The following OGDH variants were observed in gnomAD, a reference collection of about 807,000 sequenced individuals.
OGDH encodes oxoglutarate dehydrogenase, also known as 2-oxoglutarate dehydrogenase complex component E1.
In OGDH, 38 loss-of-function variants were observed where a neutral mutation model predicts 116.6. The ratio of observed to expected loss-of-function variants is 0.33; its 90% CI spans 0.25 to 0.43. The LOEUF is 0.43. OGDH is among the 20% of genes least tolerant of loss of function. OGDH has a pLI of 1.00. For missense variants in OGDH, 825 were observed against 1,357.2 expected, an observed-to-expected ratio of 0.61 and a Z score of 6.16; for synonymous variants, 488 against 533.3, an observed-to-expected ratio of 0.92 and a Z score of 1.17.
Position 44,694,343 on chromosome 7 carries a change from G to A in OGDH, c.1516-81G>A. Reference sequence around the variant, plus strand: ...TGAAGAACGTGGCCATCACCTAGGAGAGATGGGGCAGGTGCCTGAACAGCA... The same window carrying A: ...TGAAGAACGTGGCCATCACCTAGGAAAGATGGGGCAGGTGCCTGAACAGCA... On this transcript the variant is annotated intron_variant, in intron 11 of 22. Coordinates refer to ENST00000222673, the MANE Select transcript of OGDH (RefSeq NM_002541.4). The surrounding 1 kb of genome is among the most constrained non-coding windows in gnomAD (Gnocchi z 4.2). The A allele has an allele frequency of 6.5e-7, 1 of 1,550,088 alleles. No individual in the cohort carries two copies. Among genetic ancestry groups the A allele is most frequent in the Non-Finnish European group, 8.7e-7 (1 of 1,143,572 alleles).
intron 1 of OGDH, among the ~76,000 whole-genome samples, chr7:44,608,990 C>T (rs972802804): frequency 2.6e-5 from 4 of 152,090 alleles, no homozygotes; most frequent in African/African-American, 4.8e-5. Flanking sequence ...AGAATATTCC[C>T]GTCATCACAA....
chr7:44,618,379 C>T (rs755734618), intron 1 of OGDH, among the ~76,000 whole-genome samples: 1 of 152,158 alleles, frequency 6.6e-6, no homozygotes, highest in Non-Finnish European at 1.5e-5. Context: ...AAAGAAAGCC[C>T]TATGTCCATT....
intron 4 of OGDH, among the ~76,000 whole-genome samples, chr7:44,665,423 A>G (rs1787145240): frequency 6.6e-6 from 1 of 152,214 alleles, no homozygotes; most frequent in Non-Finnish European, 1.5e-5. Flanking sequence ...GCATTAGATA[A>G]ATAAAGGCTG....
At chr7:44,665,724 C>T (rs1585319095) in intron 4 of OGDH, among the ~76,000 whole-genome samples, 1 of 152,150 alleles carries the variant, frequency 6.6e-6, no homozygotes, top group Admixed American at 6.6e-5. Context: ...TTCCTGGAGC[C>T]TGAGAAAATG....
Position 44,701,608 on chromosome 7 carries a change from G to A in OGDH, c.2625G>A (p.Met875Ile), listed in dbSNP as rs1250028043. The change falls in exon 20 of 23, where the codon ATG becomes ATA. Residue 875 changes from methionine (M) to isoleucine (I), a missense_variant. Transcript: ENST00000222673. Reference protein sequence around the residue: ...HPEARSSFDEMLPGTHFQRVI... With the variant: ...HPEARSSFDEILPGTHFQRVI... The stretch of plus-strand genomic sequence containing the variant: ...AGGCCAGATCCAGCTTTGATGAGAT[G>A]CTTCCAGGTGGGTGTGAGGGAGATG... The A allele has an allele frequency of 6.2e-7, 1 of 1,614,168 alleles. No individual in the cohort carries two copies. Among genetic ancestry groups the A allele is most frequent in the South Asian group, 1.1e-5 (1 of 91,088 alleles).
In OGDH at chr7:44,697,001, C is replaced by T. The variant is rs775279689; in HGVS notation, c.1988C>T (p.Ser663Leu). ...WALAEYMAFG[S>L]LLKEGIHIRL... ...CTAGCGGAGTACATGGCGTTTGGCT[C>T]GCTCCTGAAGGAGGGCATCCACATT... is the stretch of plus-strand genomic sequence containing the variant. Residue 663 changes from serine (S) to leucine (L), a missense_variant, in exon 15 of 23, where the codon TCG becomes TTG. By Grantham distance (145) the Ser-to-Leu change is moderately radical. This residue lies in a region of OGDH where 92 missense variants were observed against 129.7 expected (regional missense o/e 0.71). Transcript: ENST00000222673. The surrounding 1 kb of genome is among the most constrained non-coding windows in gnomAD (Gnocchi z 6.0). The T allele has an allele frequency of 6.2e-7, 1 of 1,614,168 alleles. No homozygotes were observed. Among genetic ancestry groups the T allele is most frequent in the East Asian group, 2.2e-5 (1 of 44,884 alleles).
intron 1 of OGDH, among the ~76,000 whole-genome samples, chr7:44,619,373 G>A (rs1463458304): frequency 6.6e-6 from 1 of 152,212 alleles, no homozygotes; most frequent in East Asian, 1.9e-4. Flanking sequence ...ATCTGATGCT[G>A]TCTCCAGGTA....
chr7:44,663,798 G>C (rs1281255707), intron 4 of OGDH, among the ~76,000 whole-genome samples: 1 of 151,950 alleles, frequency 6.6e-6, no homozygotes, highest in East Asian at 1.9e-4. Flanking sequence ...AAACTAGCTG[G>C]ACGTGGTGTT....
In OGDH at chr7:44,707,414, T is replaced by G. The variant is rs778576815; in HGVS notation, c.2796+26T>G. ...GTGAGGGCAGGTGGTGCCATCAGGG[T>G]GTCCCCCCAGCGGGGGTCAGGGCTC... On this transcript the variant is annotated intron_variant, in intron 21 of 22. Coordinates refer to ENST00000222673, the MANE Select transcript of OGDH (RefSeq NM_002541.4). The surrounding 1 kb of genome is among the most constrained non-coding windows in gnomAD (Gnocchi z 5.2). 4 of 1,613,390 alleles carry G rather than the reference T, an allele frequency of 2.5e-6. No individual in the cohort carries two copies.
chr7:44,693,817 C>T lies in OGDH; in HGVS notation c.1336-8C>T. 3 of 1,575,596 alleles carry T rather than the reference C, an allele frequency of 1.9e-6. No homozygotes were observed. Among genetic ancestry groups the T allele is most frequent in the South Asian group, 2.3e-5 (2 of 86,422 alleles). On this transcript the variant is annotated splice_region_variant and splice_polypyrimidine_tract_variant and intron_variant, in intron 10 of 22. Transcript: ENST00000222673. ...GTGCCCTCTTGCTAGGCTACATGTT[C>T]CTTGCAGATCGGCTTCACCACCGAC... is the stretch of plus-strand genomic sequence containing the variant.
At chr7:44,638,173 C>T (rs369945867) in intron 2 of OGDH, among the ~76,000 whole-genome samples, 1 of 152,278 alleles carries the variant, frequency 6.6e-6, no homozygotes, top group East Asian at 1.9e-4. Flanking sequence ...ATTTTCCTTA[C>T]GTTATTAGTT....
Position 44,645,531 on chromosome 7 carries a change from C to T in OGDH, c.414+13C>T, listed in dbSNP as rs1303829627. ...CAGGGCATATCAGGTAAGGCGGGTGCTTTACCCGCACACGGGAAAGGGTGC... is the reference window on the plus strand; with the variant it reads ...CAGGGCATATCAGGTAAGGCGGGTGTTTTACCCGCACACGGGAAAGGGTGC... On this transcript the variant is annotated intron_variant, in intron 3 of 22. Transcript: ENST00000222673. 1.2e-5 allele frequency: 20 copies of T among 1,611,838 alleles called. No individual in the cohort carries two copies. Among genetic ancestry groups the T allele is most frequent in the Admixed American group, 1.0e-4 (6 of 59,934 alleles).
chr7:44,701,002 C>T (rs1043670665), intron 19 of OGDH, among the ~76,000 whole-genome samples: 9 of 152,162 alleles, frequency 5.9e-5, no homozygotes, highest in African/African-American at 2.2e-4. Flanking sequence ...CCAGCCTGGG[C>T]AACAGAGCGA....
At chr7:44,629,329 G>A (rs1785331681) in intron 2 of OGDH, among the ~76,000 whole-genome samples, 1 of 152,214 alleles carries the variant, frequency 6.6e-6, no homozygotes, top group Non-Finnish European at 1.5e-5. Flanking sequence ...GGTCCTGAGG[G>A]AGTGGAAGGA....
At chr7:44,679,329 C>T (rs1004675738) in intron 9 of OGDH, among the ~76,000 whole-genome samples, 5 of 152,172 alleles carry the variant, frequency 3.3e-5, no homozygotes, top group Admixed American at 6.5e-5. Context: ...GCCTGGGCAT[C>T]GTAGCAAAGC....
At chr7:44,679,381 AC>A (rs1472768816) in intron 9 of OGDH, among the ~76,000 whole-genome samples, 1 of 152,184 alleles carries the variant, frequency 6.6e-6, no homozygotes, top group Non-Finnish European at 1.5e-5. Context: ...CCAGATCCTT[AC>A]GTCCACATGC....
rs1426589754 is a variant in OGDH, at chr7:44,673,861, G to A, written c.708G>A (p.Gln236=). The change falls in exon 6 of 23, where the codon CAG becomes CAA. Residue 236 remains glutamine (Q), a synonymous_variant. Coordinates refer to ENST00000222673, the MANE Select transcript of OGDH (RefSeq NM_002541.4). The stretch of plus-strand genomic sequence containing the variant: ...TGGAGCAGTGCCAGTGGATCCGGCA[G>A]AAGTTTGAGACCCCTGGGATCATGC... ...NDLEQCQWIR[Q]KFETPGIMQF... is the part of the protein sequence containing the mutation. The A allele has an allele frequency of 3.7e-6, 6 of 1,614,272 alleles. No homozygotes were observed. Among genetic ancestry groups the A allele is most frequent in the Non-Finnish European group, 5.1e-6 (6 of 1,180,046 alleles).
rs186693797 is a variant in OGDH, at chr7:44,618,479, G to A, written c.-27-5838G>A. Among the ~76,000 whole-genome samples the A allele has an allele frequency of 2.9e-3, 444 of 152,190 alleles. 1 individual carries two copies. Among genetic ancestry groups the A allele is most frequent in the Non-Finnish European group, 4.9e-3 (330 of 68,012 alleles). ...TCTCTGTATAGATTTGCCTATTCTG[G>A]AATGTGATATTATTATCGTATATGG... On this transcript the variant is annotated intron_variant, in intron 1 of 22. Transcript: ENST00000222673.
intron 10 of OGDH, among the ~76,000 whole-genome samples, chr7:44,683,829 C>T (rs1027507877): frequency 6.6e-6 from 1 of 152,134 alleles, no homozygotes; most frequent in African/African-American, 2.4e-5. Context: ...TTCCACCAGC[C>T]GTAGCTAAGG....
Sources: allele counts gnomAD v4.1 joint callset (sites outside exome capture counted in the v4.1 genomes callset), GRCh38; gene constraint gnomAD v4.1.1; regional missense constraint gnomAD v4.1.1; non-coding constraint Gnocchi (gnomAD v3.1); transcripts MANE v1.5; gene names NCBI Gene and HGNC (gene_info 2026-07-23, HGNC 2026-07-21).